TBCK: variants seen among roughly 807,000 people sequenced by gnomAD.
TBCK encodes TBC domain-containing protein kinase-like protein.
In TBCK, 99 loss-of-function variants were observed where a neutral mutation model predicts 113.4. The ratio of observed to expected loss-of-function variants is 0.87; its 90% confidence interval spans 0.74 to 1.03. The LOEUF is 1.03. TBCK is among the 50% of genes least tolerant of loss of function. The pLI is 0.00. For missense variants in TBCK, 1,045 were observed against 1,061.3 expected, an observed-to-expected ratio of 0.98 and a Z score of 0.21; for synonymous variants, 369 against 370.8, an observed-to-expected ratio of 1.00 and a Z score of 0.05.
chr4:106,123,793 G>C (rs1430947419), intron 23 of TBCK, among the ~76,000 whole-genome samples: 1 of 149,516 alleles, frequency 6.7e-6, no homozygotes, highest in Non-Finnish European at 1.5e-5. Flanking sequence ...AAACTGGCTA[G>C]CCATATGTAG....
intron 25 of TBCK, among the ~76,000 whole-genome samples, chr4:106,051,093 G>C (rs745976250): frequency 6.6e-5 from 10 of 151,904 alleles, no homozygotes; most frequent in Non-Finnish European, 1.5e-4. Flanking sequence ...GAAGAAAAGG[G>C]ATTTTTAAGC....
At chr4:106,075,429 A>G (rs1489903746) in intron 25 of TBCK, among the ~76,000 whole-genome samples, 1 of 152,226 alleles carries the variant, frequency 6.6e-6, no homozygotes, top group Non-Finnish European at 1.5e-5. Flanking sequence ...TCTGATAAGT[A>G]TGATATTGAC....
chr4:106,303,746 G>A lies in TBCK; in HGVS notation c.193+5022C>T, dbSNP rs1428027198. Among the ~76,000 whole-genome samples the A allele has an allele frequency of 6.6e-5, 10 of 152,064 alleles. No individual in the cohort carries two copies. The East Asian group carries it at 1.9e-3, about 29-fold the overall frequency. On this transcript the variant is annotated intron_variant, in intron 2 of 25. Transcript: ENST00000394708. ...AGCCCTTTCAAAAGATTCCACAACT[G>A]ATATCAACCAACTACCTGACACTAC... is the stretch of plus-strand genomic sequence containing the variant.
chr4:106,314,229 G>A (rs924012614), intron 1 of TBCK, among the ~76,000 whole-genome samples: 7 of 152,150 alleles, frequency 4.6e-5, no homozygotes, highest in Admixed American at 2.0e-4. Context: ...GAAAAAGGTA[G>A]AATCACTACT....
Position 106,196,464 on chromosome 4 carries a change from TTA to T in TBCK, c.1861-1712_1861-1711del, listed in dbSNP as rs1281423655. The stretch of plus-strand genomic sequence containing the variant: ...ATTTCAGCACCTAGCAATTATGAAT[TTA>T]TGAGTAAAAGGTGCATATTGTCTTT... On this transcript the variant is annotated intron_variant, in intron 20 of 25. Transcript: ENST00000394708. 4.6e-5 allele frequency among the ~76,000 whole-genome samples: 7 copies of T among 152,128 alleles called. No individual in the cohort carries two copies. In the South Asian group the frequency reaches 6.2e-4, roughly 14 times the overall value.
chr4:106,050,125 C>T (rs1198047901), intron 25 of TBCK, among the ~76,000 whole-genome samples: 1 of 151,840 alleles, frequency 6.6e-6, no homozygotes, highest in Non-Finnish European at 1.5e-5. Context: ...CAGATTATTG[C>T]AGATAAAAAG....
At position 106,201,421 on chromosome 4, in the gene TBCK, A is replaced by C. The variant is rs182296221; in HGVS notation, c.1861-6667T>G. Among the ~76,000 whole-genome samples, 763 of 152,238 alleles carry C rather than the reference A, an allele frequency of 5.0e-3. 4 individuals are homozygous for C. The highest frequency in any genetic ancestry group is 0.018 in the African/African-American group (734 of 41,572). On this transcript the variant is annotated intron_variant, in intron 20 of 25. Coordinates refer to ENST00000394708, the MANE Select transcript of TBCK (RefSeq NM_001163435.3). ...AAAAAGAAAAGCAATTTAATATTAGAGATATTATTAGCTATTTCCTGATTT... is the reference window on the plus strand; with the variant it reads ...AAAAAGAAAAGCAATTTAATATTAGCGATATTATTAGCTATTTCCTGATTT...
intron 3 of TBCK, among the ~76,000 whole-genome samples, chr4:106,288,415 G>A (rs1210421714): frequency 2.0e-5 from 3 of 151,902 alleles, no homozygotes; most frequent in Admixed American, 6.6e-5. Flanking sequence ...TTAAATTAAG[G>A]TATAATTTAC....
chr4:106,094,504 TA>T (rs141712177), intron 25 of TBCK, among the ~76,000 whole-genome samples: 16 of 149,090 alleles, frequency 1.1e-4, no homozygotes, highest in East Asian at 5.8e-4. Context: ...TTACTAAGAG[TA>T]AAAAAAAAAT....
chr4:106,153,576 G>C (rs1748771094), intron 23 of TBCK, among the ~76,000 whole-genome samples: 4 of 151,984 alleles, frequency 2.6e-5, no homozygotes, highest in Admixed American at 1.3e-4. Flanking sequence ...CTGTAAATTT[G>C]GTCCATTTGG....
At chr4:106,168,824 A>G (rs1660889757) in intron 23 of TBCK, among the ~76,000 whole-genome samples, 3 of 152,018 alleles carry the variant, frequency 2.0e-5, no homozygotes. Context: ...ATCTGATGAA[A>G]GAAATCCAAC....
chr4:106,084,419 C>T (rs575505488), intron 25 of TBCK, among the ~76,000 whole-genome samples: 1 of 152,162 alleles, frequency 6.6e-6, no homozygotes, highest in Admixed American at 6.5e-5. Context: ...ACAAAACCTC[C>T]AAGAAATATG....
chr4:106,153,824 TAG>T (rs1429284950), intron 23 of TBCK, among the ~76,000 whole-genome samples: 3 of 152,098 alleles, frequency 2.0e-5, no homozygotes, highest in Non-Finnish European at 4.4e-5. Context: ...CGTCTCTTCT[TAG>T]AGTTTTTTTT....
At chr4:106,139,079 A>C (rs1013848910) in intron 23 of TBCK, among the ~76,000 whole-genome samples, 1 of 140,782 alleles carries the variant, frequency 7.1e-6, no homozygotes, top group African/African-American at 2.5e-5. Context: ...CTTGTATACT[A>C]AAGTGATTAG....
intron 3 of TBCK, among the ~76,000 whole-genome samples, chr4:106,269,255 T>C (rs1188986396): frequency 1.3e-5 from 2 of 152,184 alleles, no homozygotes; most frequent in Admixed American, 1.3e-4. Flanking sequence ...TGAATAATTC[T>C]GTGCTATCTT....
At chr4:106,295,001 AC>A (rs1766130243) in intron 3 of TBCK, 92 bp downstream of exon 3, 1 of 986,734 alleles carries the variant, frequency 1.0e-6, no homozygotes, top group South Asian at 2.0e-5. Context: ...TAAACAAGTA[AC>A]AAAAGAAACC....
chr4:106,082,543 A>G (rs2149493565), intron 25 of TBCK, among the ~76,000 whole-genome samples: 1 of 152,288 alleles, frequency 6.6e-6, no homozygotes, highest in Middle Eastern at 3.4e-3. Context: ...TCAGCAACAT[A>G]AAATTTATTA....
intron 19 of TBCK, among the ~76,000 whole-genome samples, chr4:106,218,214 C>A (rs1287512722): frequency 6.9e-5 from 10 of 145,274 alleles, no homozygotes; most frequent in African/African-American, 2.3e-4. Flanking sequence ...ATACAAAAAT[C>A]AATTCAAGAT....
intron 3 of TBCK, among the ~76,000 whole-genome samples, chr4:106,273,529 T>C (rs1465801659): frequency 1.3e-5 from 2 of 152,230 alleles, no homozygotes; most frequent in Admixed American, 6.5e-5. Context: ...CCCTGGCACC[T>C]CTGAATGTTA....
Sources: gnomAD v4.1 joint callset for allele counts (sites outside exome capture counted in the v4.1 genomes callset) on GRCh38, gnomAD v4.1.1 for gene constraint, MANE v1.5 for transcripts, NCBI Gene and HGNC (gene_info 2026-07-23, HGNC 2026-07-21) for gene names.